Variants in FGF14 observed in about 807,000 individuals in gnomAD.
FGF14 encodes the protein fibroblast growth factor 14.
In FGF14, 5 loss-of-function variants were observed where a neutral mutation model predicts 25.5. That is an observed-to-expected ratio of 0.20 (90% CI 0.10 to 0.41). The LOEUF is 0.41. FGF14 is among the 10% of genes least tolerant of loss of function. The probability of loss-of-function intolerance (pLI) is 1.00; values close to 1 mark genes in which losing one functional copy is unlikely to be tolerated. For missense variants in FGF14, 222 were observed against 320.1 expected, an observed-to-expected ratio of 0.69 and a Z score of 2.34; for synonymous variants, 138 against 118.3, an observed-to-expected ratio of 1.17 and a Z score of -1.08.
rs200158910 is a variant in FGF14 at position 102,260,334 on chromosome 13, C to CT, written c.208+141136dup. ...CACTGATCTTGGAAACCCAACCACG[C>CT]TTTTTTTTACTGAAAGTTTGTTTCA... is the stretch of plus-strand genomic sequence containing the variant. On this transcript the variant is annotated intron_variant, in intron 1 of 4. Coordinates refer to the FGF14 transcript ENST00000376131. 2.2e-3 allele frequency among the ~76,000 whole-genome samples: 330 copies of CT among 152,140 alleles called. 3 individuals carry two copies. The highest frequency in any genetic ancestry group is 7.5e-3 in the African/African-American group (313 of 41,500).
chr13:102,366,005 T>G (rs981275613), intron 1 of FGF14, among the ~76,000 whole-genome samples: 1 of 152,134 alleles, frequency 6.6e-6, no homozygotes, highest in Non-Finnish European at 1.5e-5. Flanking sequence ...GATAGAAAGT[T>G]TAGAGTGCAT....
At chr13:102,005,520 G>A (rs1215899865) in intron 1 of FGF14, among the ~76,000 whole-genome samples, 2 of 152,114 alleles carry the variant, frequency 1.3e-5, no homozygotes, top group Non-Finnish European at 2.9e-5. Flanking sequence ...ACTGATGTTA[G>A]AAGTTTCTCT....
At chr13:102,309,458 C>T (rs982101111) in intron 1 of FGF14, among the ~76,000 whole-genome samples, 2 of 152,166 alleles carry the variant, frequency 1.3e-5, no homozygotes, top group Non-Finnish European at 2.9e-5. Flanking sequence ...GTTTCTGGTA[C>T]TGCAGAGTAC....
chr13:101,766,616 T>A (rs2038412167), intron 3 of FGF14, among the ~76,000 whole-genome samples: 1 of 152,104 alleles, frequency 6.6e-6, no homozygotes, highest in African/African-American at 2.4e-5. Context: ...CTGAAGAGTG[T>A]CCTCCAAAAA....
chr13:101,756,391 GT>G (rs531143901), intron 3 of FGF14, among the ~76,000 whole-genome samples: 2 of 151,856 alleles, frequency 1.3e-5, no homozygotes, highest in South Asian at 4.1e-4. Flanking sequence ...GAGTTTAGTT[GT>G]TTTTTTTATT....
intron 3 of FGF14, among the ~76,000 whole-genome samples, chr13:101,810,412 C>T (rs1434532297): frequency 6.6e-6 from 1 of 152,110 alleles, no homozygotes; most frequent in African/African-American, 2.4e-5. Flanking sequence ...TCCTTCCCAC[C>T]ATTTACATCA....
At chr13:101,941,947 CTA>C (rs909118121) in intron 1 of FGF14, among the ~76,000 whole-genome samples, 4 of 152,044 alleles carry the variant, frequency 2.6e-5, no homozygotes, top group African/African-American at 9.7e-5. Flanking sequence ...GTTTGTAAAA[CTA>C]TATGTTTTAC....
intron 1 of FGF14, among the ~76,000 whole-genome samples, chr13:101,990,976 G>C (rs1018511687): frequency 4.6e-5 from 7 of 152,014 alleles, no homozygotes; most frequent in Non-Finnish European, 8.8e-5. Flanking sequence ...AAAAGAAACA[G>C]TACTAATGTG....
intron 3 of FGF14, among the ~76,000 whole-genome samples, chr13:101,772,081 G>A (rs2038811419): frequency 6.6e-6 from 1 of 152,038 alleles, no homozygotes; most frequent in Non-Finnish European, 1.5e-5. Context: ...GTGTTCAGGA[G>A]GACATTGGGG....
chr13:102,212,019 G>A (rs9557835), intron 1 of FGF14, among the ~76,000 whole-genome samples: 46,353 of 151,850 alleles, frequency 0.31, 8,582 homozygotes, highest in East Asian at 0.51. Context: ...GTTGTTTTCC[G>A]AAAGAGCACT....
intron 1 of FGF14, among the ~76,000 whole-genome samples, chr13:101,911,690 A>AAAAAC (rs762855627): frequency 6.6e-5 from 10 of 152,230 alleles, no homozygotes; most frequent in Middle Eastern, 3.4e-3. Context: ...GTCCCTTGTT[A>AAAAAC]AAAACAAAAC....
Position 102,337,416 on chromosome 13 carries a change from C to T in FGF14, c.208+64055G>A, listed in dbSNP as rs114842361. Among the ~76,000 whole-genome samples, 517 of 152,204 alleles carry T rather than the reference C, an allele frequency of 3.4e-3. 2 individuals are homozygous for T. The highest frequency in any genetic ancestry group is 0.012 in the African/African-American group (482 of 41,530). Reference sequence around the variant, plus strand: ...GAATTGTTACAATCTCATGATAAAACTTGAACAAATGAGAAAGCATTTCTT... The same window carrying T: ...GAATTGTTACAATCTCATGATAAAATTTGAACAAATGAGAAAGCATTTCTT... On this transcript the variant is annotated intron_variant, in intron 1 of 4. Coordinates refer to the FGF14 transcript ENST00000376131.
chr13:102,357,074 C>A (rs2057438173), intron 1 of FGF14, among the ~76,000 whole-genome samples: 1 of 150,294 alleles, frequency 6.7e-6, no homozygotes, highest in African/African-American at 2.4e-5. Flanking sequence ...CATTCTAAAT[C>A]ATAAAATCTG....
intron 1 of FGF14, among the ~76,000 whole-genome samples, chr13:102,159,169 A>G (rs1485232075): frequency 6.6e-6 from 1 of 151,532 alleles, no homozygotes; most frequent in Non-Finnish European, 1.5e-5. Context: ...AAAAGAAAAG[A>G]AAATTCAAGG....
chr13:101,998,491 C>T (rs2039308483), intron 1 of FGF14, among the ~76,000 whole-genome samples: 1 of 152,108 alleles, frequency 6.6e-6, no homozygotes. Context: ...TAGGACTATC[C>T]AAAGAGGTAT....
intron 3 of FGF14, among the ~76,000 whole-genome samples, chr13:101,807,244 T>C (rs1429379731): frequency 6.6e-6 from 1 of 152,138 alleles, no homozygotes; most frequent in Non-Finnish European, 1.5e-5. Flanking sequence ...CATTCCCATT[T>C]TGATCATTGA....
In FGF14 at chr13:101,916,518, T is replaced by A. The variant is rs201133203; in HGVS notation, c.128A>T (p.Asn43Ile). The A allele has an allele frequency of 6.2e-7, 1 of 1,613,868 alleles. No individual in the cohort carries two copies. Among genetic ancestry groups the A allele is most frequent in the South Asian group, 1.1e-5 (1 of 91,086 alleles). ...CACTTTGGAGAAGATATCCACCAGG[T>A]TGCCGTTGCAGAGCCCGCGGTTCTT... ...PSKNRGLCNG[N>I]LVDIFSKVRI... The change falls in exon 1 of 5, where the codon AAC (asparagine) becomes ATC (isoleucine). Residue 43 changes from asparagine to isoleucine, a missense_variant. This residue lies in a region of FGF14 where 80 missense variants were observed against 72.2 expected (regional missense o/e 1.11). Transcript: ENST00000376143.
chr13:102,130,372 C>G (rs548569020), intron 1 of FGF14, among the ~76,000 whole-genome samples: 1 of 152,048 alleles, frequency 6.6e-6, no homozygotes, highest in South Asian at 2.1e-4. Context: ...GGCTGGTGGC[C>G]CCTCCTCCAT....
intron 3 of FGF14, among the ~76,000 whole-genome samples, chr13:101,803,257 C>A (rs12429149): frequency 0.3 from 45,070 of 151,162 alleles, 7,347 homozygotes; most frequent in South Asian, 0.43. Context: ...GCCTCCCAAG[C>A]AACTGGGACC....
Sources: gnomAD v4.1 joint callset for allele counts (sites outside exome capture counted in the v4.1 genomes callset) on GRCh38, gnomAD v4.1.1 for gene constraint, gnomAD v4.1.1 regional missense constraint, MANE v1.5 for transcripts, NCBI Gene and HGNC (gene_info 2026-07-23, HGNC 2026-07-21) for gene names.